HMOX2: variants seen among roughly 807,000 people sequenced by gnomAD.
HMOX2 encodes heme oxygenase 2, also known as heme oxygenase (decycling) 2.
Under a neutral mutation model 33.7 loss-of-function variants are expected in HMOX2, and 30 were observed. The ratio of observed to expected loss-of-function variants is 0.89; its 90% CI spans 0.67 to 1.21. HMOX2 has a LOEUF of 1.21. Ranked by LOEUF, HMOX2 falls within the 50% of genes most tolerant of loss-of-function variation. The pLI is 0.00. For synonymous variants in HMOX2, 155 were observed against 155.0 expected (o/e 1.00, Z 0.00); for missense variants, 403 against 399.1 (o/e 1.01, Z -0.08).
intron 1 of HMOX2, among the ~76,000 whole-genome samples, chr16:4,486,102 A>T (rs1201227473): frequency 6.6e-6 from 1 of 152,192 alleles, no homozygotes; most frequent in Non-Finnish European, 1.5e-5. Context: ...AGGGATTTGC[A>T]ACCAAAAAAG....
At chr16:4,494,032 G>A (rs1023507209) in intron 1 of HMOX2, among the ~76,000 whole-genome samples, 2 of 152,136 alleles carry the variant, frequency 1.3e-5, no homozygotes, top group Admixed American at 6.5e-5. Flanking sequence ...AAACATGGCT[G>A]TCGGGCCGGC....
At chr16:4,489,738 T>C (rs773586566) in intron 1 of HMOX2, among the ~76,000 whole-genome samples, 79 of 151,936 alleles carry the variant, frequency 5.2e-4, no homozygotes, top group Non-Finnish European at 4.4e-5. Context: ...GGATTACAGG[T>C]GTGAGCCATT....
chr16:4,480,770 A>G (rs1596440769), intron 1 of HMOX2, among the ~76,000 whole-genome samples: 1 of 148,712 alleles, frequency 6.7e-6, no homozygotes, highest in Non-Finnish European at 1.5e-5. Flanking sequence ...CTCCTGCCTC[A>G]GCCTCTGGAG....
chr16:4,487,196 T>C (rs2058189957), intron 1 of HMOX2, among the ~76,000 whole-genome samples: 1 of 152,058 alleles, frequency 6.6e-6, no homozygotes, highest in Non-Finnish European at 1.5e-5. Flanking sequence ...GAGTTGAGGC[T>C]GCAGTGAGCT....
At chr16:4,506,818 C>A in intron 2 of HMOX2, 77 bp from the exon 3 acceptor site, 1 of 1,080,716 alleles carries the variant, frequency 9.3e-7, no homozygotes, top group Non-Finnish European at 1.4e-6. Context: ...GGTGTGGACT[C>A]AATCTTCTCT....
chr16:4,501,851 C>T (rs527900781), intron 1 of HMOX2, among the ~76,000 whole-genome samples: 2 of 152,320 alleles, frequency 1.3e-5, no homozygotes, highest in African/African-American at 4.8e-5. Flanking sequence ...ACAGGGTCGC[C>T]TCCCCTGGCC....
chr16:4,486,907 A>G (rs1472171157), intron 1 of HMOX2, among the ~76,000 whole-genome samples: 1 of 152,194 alleles, frequency 6.6e-6, no homozygotes, highest in Non-Finnish European at 1.5e-5. Context: ...CCTCATTTTA[A>G]GTATGGAAGC....
At chr16:4,498,748 C>T (rs939014752) in intron 1 of HMOX2, among the ~76,000 whole-genome samples, 8 of 152,112 alleles carry the variant, frequency 5.3e-5, no homozygotes, top group Admixed American at 1.3e-4. Flanking sequence ...ATTCCCCCAG[C>T]GATTGAAATG....
At chr16:4,503,345 G>A (rs1285615051) in intron 1 of HMOX2, among the ~76,000 whole-genome samples, 5 of 152,092 alleles carry the variant, frequency 3.3e-5, no homozygotes, top group Non-Finnish European at 5.9e-5. Flanking sequence ...AATCCTGTCT[G>A]TGTTGAGGGT....
At chr16:4,477,537 G>A (rs1439770731) in intron 1 of HMOX2, among the ~76,000 whole-genome samples, 2 of 147,750 alleles carry the variant, frequency 1.4e-5, no homozygotes. Flanking sequence ...CTTCTGATGA[G>A]CCGGTTGTCG....
intron 1 of HMOX2, among the ~76,000 whole-genome samples, chr16:4,484,477 TTGA>T (rs1449129462): frequency 0.018 from 2,715 of 148,054 alleles, 59 homozygotes; most frequent in African/African-American, 0.05. Context: ...TTTTTTTTTT[TTGA>T]GACGGAGTCT....
chr16:4,489,389 A>G (rs929961260), intron 1 of HMOX2, among the ~76,000 whole-genome samples: 2 of 152,108 alleles, frequency 1.3e-5, no homozygotes, highest in African/African-American at 4.8e-5. Flanking sequence ...CATGGGCTCA[A>G]GTGATCCGCC....
At chr16:4,497,823 C>G (rs1442563240) in intron 1 of HMOX2, among the ~76,000 whole-genome samples, 1 of 152,084 alleles carries the variant, frequency 6.6e-6, no homozygotes, top group African/African-American at 2.4e-5. Context: ...GTGTTGAACT[C>G]CTGGCCACAA....
chr16:4,502,393 C>T (rs1315997166), intron 1 of HMOX2, among the ~76,000 whole-genome samples: 1 of 152,226 alleles, frequency 6.6e-6, no homozygotes, highest in Admixed American at 6.5e-5. Flanking sequence ...GCAAGAAGCA[C>T]GCTGAAGTTA....
chr16:4,505,222 T>A (rs945139755), intron 1 of HMOX2, among the ~76,000 whole-genome samples: 1 of 152,244 alleles, frequency 6.6e-6, no homozygotes, highest in Non-Finnish European at 1.5e-5. Context: ...CATTCTCTTA[T>A]ATAATCGCAG....
At chr16:4,505,426 G>T in intron 1 of HMOX2, 58 bp from the exon 2 acceptor site, 1 of 768,370 alleles carries the variant, frequency 1.3e-6, no homozygotes. Flanking sequence ...GAACCGACAG[G>T]TATTTGGGGA....
intron 1 of HMOX2, among the ~76,000 whole-genome samples, chr16:4,493,745 C>T (rs2058355081): frequency 6.6e-6 from 1 of 152,182 alleles, no homozygotes; most frequent in Admixed American, 6.5e-5. Flanking sequence ...CCCAGCTCCT[C>T]GTGTGTCTTT....
intron 1 of HMOX2, among the ~76,000 whole-genome samples, chr16:4,485,678 C>T (rs1178424463): frequency 1.3e-5 from 2 of 152,146 alleles, no homozygotes; most frequent in Non-Finnish European, 2.9e-5. Flanking sequence ...CACTGATAGA[C>T]TCCTTTTAGA....
At chr16:4,484,713 G>A (rs745655990) in intron 1 of HMOX2, among the ~76,000 whole-genome samples, 42 of 151,798 alleles carry the variant, frequency 2.8e-4, no homozygotes, top group Admixed American at 3.3e-4. Context: ...CGCCTGCCGC[G>A]GGCTCCCAAA....
Sources: allele counts gnomAD v4.1 joint callset (sites outside exome capture counted in the v4.1 genomes callset), GRCh38; gene constraint gnomAD v4.1.1; transcripts MANE v1.5; gene names NCBI Gene and HGNC (gene_info 2026-07-23, HGNC 2026-07-21).